The following CARF variants were observed in gnomAD, a reference collection of about 807,000 sequenced individuals.
CARF encodes calcium responsive transcription factor, also known as calcium-responsive transcription factor.
CARF carries 57 observed loss-of-function variants against 82.0 expected under a neutral mutation model. The observed-to-expected ratio is 0.70, with a 90% CI of 0.56 to 0.87. The LOEUF is 0.87. Ranked by LOEUF, CARF falls within the 40% of genes least tolerant of loss-of-function variation. CARF has a pLI of 0.00. For missense variants in CARF, 771 were observed against 855.8 expected (o/e 0.90, Z 1.24); for synonymous variants, 268 against 290.1 (o/e 0.92, Z 0.77).
intron 3 of CARF, among the ~76,000 whole-genome samples, chr2:202,940,701 G>C (rs1320938987): frequency 6.6e-6 from 1 of 152,026 alleles, no homozygotes; most frequent in East Asian, 1.9e-4. Flanking sequence ...TCCCCTACCA[G>C]CTATTTGTCC....
intron 12 of CARF, chr2:202,973,434 G>T (rs1298910716): frequency 2.3e-6 from 1 of 437,534 alleles, no homozygotes. Context: ...TTAAATAACA[G>T]TGCTGCCTTC....
intron 13 of CARF, among the ~76,000 whole-genome samples, chr2:202,976,864 T>A (rs1291344222): frequency 6.6e-6 from 1 of 151,544 alleles, no homozygotes; most frequent in African/African-American, 2.4e-5. Context: ...CACCAGCCAT[T>A]ACACCCAGCT....
chr2:202,925,462 G>T, intron 3 of CARF: 1 of 275,808 alleles, frequency 3.6e-6, no homozygotes, highest in Non-Finnish European at 7.3e-6. Context: ...CTGCAGCTGA[G>T]CTGAAACTGA....
chr2:202,940,559 A>G (rs2058180905), intron 3 of CARF, among the ~76,000 whole-genome samples: 1 of 152,002 alleles, frequency 6.6e-6, no homozygotes, highest in South Asian at 2.1e-4. Context: ...ATATGAAAGG[A>G]TACTGGAGTC....
At position 202,971,651 on chromosome 2, in the gene CARF, C is replaced by T. The variant is rs1270717604; in HGVS notation, c.1244C>T (p.Ser415Leu). The T allele has an allele frequency of 1.2e-6, 2 of 1,613,532 alleles. No individual in the cohort carries two copies. Among genetic ancestry groups the T allele is most frequent in the East Asian group, 2.2e-5 (1 of 44,784 alleles). ...AVRDENCALP[S>L]RLHPQVAHKI... ...AGAGATGAGAATTGTGCATTACCCT[C>T]ACGTTTACATCCTCAAGTAGCACAT... The change falls in exon 12 of 17, where the codon TCA (serine) becomes TTA (leucine). Residue 415 changes from serine (S) to leucine (L), a missense_variant. By Grantham distance (145) the Ser-to-Leu change is moderately radical. Transcript: ENST00000438828.
At chr2:202,959,526 A>G (rs1023741986) in intron 8 of CARF, among the ~76,000 whole-genome samples, 1 of 152,182 alleles carries the variant, frequency 6.6e-6, no homozygotes, top group African/African-American at 2.4e-5. Flanking sequence ...TTGAAAAAAA[A>G]GTTTCTCCCC....
At chr2:202,917,407 T>G (rs1021684202) in intron 1 of CARF, among the ~76,000 whole-genome samples, 16 of 152,072 alleles carry the variant, frequency 1.1e-4, no homozygotes, top group Non-Finnish European at 1.5e-4. Context: ...GCTCCATATT[T>G]AATATTTTCT....
At chr2:202,979,941 T>G (rs2060181111) in intron 14 of CARF, among the ~76,000 whole-genome samples, 1 of 152,184 alleles carries the variant, frequency 6.6e-6, no homozygotes, top group South Asian at 2.1e-4. Context: ...AAGCAATAAA[T>G]GTTCATTGAT....
In CARF at chr2:202,987,359, G is replaced by A. The variant is rs2060482867; in HGVS notation, c.*3735G>A. On this transcript the variant is annotated 3_prime_UTR_variant, in exon 17 of 17. Coordinates refer to ENST00000438828, the MANE Select transcript of CARF (RefSeq NM_024744.17). ...GGGATTATTAATTTTTTCCCTCTTT[G>A]CTTTTTTTTAAACTTTATTCCACTC... 1.4e-5 allele frequency among the ~76,000 whole-genome samples: 2 copies of A among 147,418 alleles called. No homozygotes were observed. The highest frequency in any genetic ancestry group is 5.0e-5 in the African/African-American group (2 of 39,900).
At chr2:202,942,613 G>C in intron 4 of CARF, 127 bp from the exon 5 acceptor site, 1 of 1,005,612 alleles carries the variant, frequency 9.9e-7, no homozygotes, top group South Asian at 2.0e-5. Flanking sequence ...ATAGCAATTT[G>C]TGTGAATTGA....
At chr2:202,928,282 G>A (rs182033189) in intron 3 of CARF, among the ~76,000 whole-genome samples, 28 of 152,126 alleles carry the variant, frequency 1.8e-4, no homozygotes, top group African/African-American at 6.8e-4. Context: ...GCCCATCTAC[G>A]TTGCTGTGAA....
chr2:202,929,503 G>T (rs75058267), intron 3 of CARF, among the ~76,000 whole-genome samples: 41 of 152,260 alleles, frequency 2.7e-4, no homozygotes, highest in African/African-American at 9.4e-4. Flanking sequence ...TAAGTGCGTA[G>T]ATTTTGTTTG....
intron 12 of CARF, among the ~76,000 whole-genome samples, chr2:202,972,505 C>T (rs1232603351): frequency 2.6e-5 from 4 of 151,484 alleles, no homozygotes; most frequent in Admixed American, 6.6e-5. Flanking sequence ...GGTGAAACCC[C>T]GTCTCTACTA....
chr2:202,980,617 TATATATATATA>T (rs1274675010), intron 14 of CARF, among the ~76,000 whole-genome samples: 10 of 30,628 alleles, frequency 3.3e-4, no homozygotes, highest in African/African-American at 6.2e-4. Context: ...GTCTTTCAAG[TATATATATATA>T]TATATATATA....
intron 5 of CARF, among the ~76,000 whole-genome samples, chr2:202,952,125 C>T (rs2058783410): frequency 6.6e-6 from 1 of 152,192 alleles, no homozygotes; most frequent in South Asian, 2.1e-4. Context: ...GCCACCATGC[C>T]TGACCAACAT....
chr2:202,972,055 C>A (rs2059810025), intron 12 of CARF, among the ~76,000 whole-genome samples: 1 of 151,882 alleles, frequency 6.6e-6, no homozygotes, highest in Non-Finnish European at 1.5e-5. Flanking sequence ...GAGAAGAAAA[C>A]CTTTGTAGCA....
chr2:202,973,698 A>T (rs2059903415), intron 12 of CARF: 1 of 229,482 alleles, frequency 4.4e-6, no homozygotes, highest in African/African-American at 2.3e-5. Flanking sequence ...GTTAAAGGAG[A>T]TATTTGATGT....
At chr2:202,958,903 CAAAAAAA>C (rs36028794) in intron 8 of CARF, among the ~76,000 whole-genome samples, 2 of 88,984 alleles carry the variant, frequency 2.2e-5, no homozygotes, top group South Asian at 8.7e-4. Flanking sequence ...GACTCCGTCT[CAAAAAAA>C]AAAAAAAAAA....
chr2:202,940,432 G>A (rs2105796926), intron 3 of CARF, among the ~76,000 whole-genome samples: 1 of 152,204 alleles, frequency 6.6e-6, no homozygotes, highest in East Asian at 1.9e-4. Context: ...AATCTTAGAT[G>A]TTTCCAATAT....
Sources: gnomAD v4.1 joint callset for allele counts (sites outside exome capture counted in the v4.1 genomes callset) on GRCh38, gnomAD v4.1.1 for gene constraint, MANE v1.5 for transcripts, NCBI Gene and HGNC (gene_info 2026-07-23, HGNC 2026-07-21) for gene names.